Variants in UEVLD observed in about 807,000 individuals in gnomAD.
UEVLD encodes UEV and lactate/malate dehyrogenase domains.
UEVLD carries 47 observed loss-of-function variants against 58.6 expected under a neutral mutation model. The ratio of observed to expected loss-of-function variants is 0.80; its 90% CI spans 0.63 to 1.02. The LOEUF (loss-of-function observed/expected upper bound fraction) is 1.02. Among genes scored for constraint, UEVLD ranks in the 50% least tolerant of loss-of-function variants. The probability of loss-of-function intolerance (pLI) is 0.00; values close to 1 mark genes in which losing one functional copy is unlikely to be tolerated. For missense variants in UEVLD, 510 were observed against 550.6 expected (o/e 0.93, Z 0.74); for synonymous variants, 197 against 195.3 (o/e 1.01, Z -0.07).
chr11:18,536,893 T>TG, intron 9 of UEVLD: 1 of 175,068 alleles, frequency 5.7e-6, no homozygotes, highest in East Asian at 1.9e-4. Flanking sequence ...AGAATCCTGT[T>TG]CCTTTTTTTT....
chr11:18,545,075 T>TACA (rs60959151), intron 8 of UEVLD, among the ~76,000 whole-genome samples: 1 of 117,228 alleles, frequency 8.5e-6, no homozygotes, highest in Non-Finnish European at 1.7e-5. Flanking sequence ...TATATCTATA[T>TACA]TTTTTTTTTT....
At chr11:18,581,677 CAAA>C (rs11443134) in intron 1 of UEVLD, among the ~76,000 whole-genome samples, 7 of 99,122 alleles carry the variant, frequency 7.1e-5, no homozygotes, top group Admixed American at 2.2e-4. Flanking sequence ...GACACTGTCT[CAAA>C]AAAAAAAAAA....
rs35384688 is a variant in UEVLD, at chr11:18,583,657, C to CTT, written c.43-4851_43-4850dup. ...GGAATCTTTATTAAGTCCAGTATTA[C>CTT]TTTTTTTTTTTTTTTTTTTTTGAGA... On this transcript the variant is annotated intron_variant, in intron 1 of 11. Transcript: ENST00000396197. Among the ~76,000 whole-genome samples, 149 of 117,214 alleles carry CTT rather than the reference C, an allele frequency of 1.3e-3. 4 individuals are homozygous for CTT. Among genetic ancestry groups the CTT allele is most frequent in the South Asian group, 6.5e-3 (22 of 3,368 alleles). 76.9% of individuals were successfully genotyped at this position (117,214 alleles called of 152,430 possible).
chr11:18,576,696 T>C (rs930673210), intron 2 of UEVLD, among the ~76,000 whole-genome samples: 6 of 152,112 alleles, frequency 3.9e-5, no homozygotes, highest in African/African-American at 9.7e-5. Flanking sequence ...ACCACCCAGA[T>C]TGATAAACTG....
chr11:18,570,605 G>T, intron 3 of UEVLD: 1 of 271,932 alleles, frequency 3.7e-6, no homozygotes, highest in Non-Finnish European at 6.9e-6. Flanking sequence ...AATTAGCTGG[G>T]TGTGGTGGCA....
chr11:18,565,023 G>A lies in UEVLD; in HGVS notation c.494-13C>T, dbSNP rs200136462. The A allele has an allele frequency of 1.9e-6, 3 of 1,571,370 alleles. No individual in the cohort carries two copies. The highest frequency in any genetic ancestry group is 1.4e-5 in the African/African-American group (1 of 73,978). Reference sequence around the variant, plus strand: ...GTATCTGAAACACCTAGAAAGAAAGGTGAATTATCCTGAGAATTCAAAAAT... The same window carrying A: ...GTATCTGAAACACCTAGAAAGAAAGATGAATTATCCTGAGAATTCAAAAAT... On this transcript the variant is annotated splice_polypyrimidine_tract_variant and intron_variant, in intron 5 of 11. Coordinates refer to ENST00000396197, the MANE Select transcript of UEVLD (RefSeq NM_001040697.4).
At chr11:18,584,405 C>G (rs117134817) in intron 1 of UEVLD, among the ~76,000 whole-genome samples, 1 of 151,934 alleles carries the variant, frequency 6.6e-6, no homozygotes, top group Non-Finnish European at 1.5e-5. Flanking sequence ...AAAAAGCACA[C>G]GCTTTTTGCA....
At chr11:18,575,502 A>C in intron 2 of UEVLD, 90 bp from the exon 3 acceptor site, 1 of 1,208,198 alleles carries the variant, frequency 8.3e-7, no homozygotes, top group Admixed American at 2.3e-5. Flanking sequence ...GTGTGTGCTC[A>C]TGAATATACA....
At position 18,544,879 on chromosome 11, in the gene UEVLD, A is replaced by G. The variant is rs1273974463; in HGVS notation, c.887-83T>C. The G allele has an allele frequency of 3.7e-6, 4 of 1,076,604 alleles. No homozygotes were observed. The African/African-American group carries it at 5.0e-5, about 14-fold the overall frequency. 66.7% of individuals were successfully genotyped at this position (1,076,604 alleles called of 1,614,324 possible). On this transcript the variant is annotated intron_variant, in intron 8 of 11. Transcript: ENST00000396197. ...TAGCTCACAAATATTTATTATTTTAATAAGTATATTAGGTCCTCAATGCAC... is the reference window on the plus strand; with the variant it reads ...TAGCTCACAAATATTTATTATTTTAGTAAGTATATTAGGTCCTCAATGCAC...
At chr11:18,536,537 C>A in intron 9 of UEVLD, 68 bp from the exon 10 acceptor site, 2 of 1,335,576 alleles carry the variant, frequency 1.5e-6, no homozygotes, top group East Asian at 4.6e-5. Flanking sequence ...GATAACAGAT[C>A]TTTTGGAGTC....
At chr11:18,546,595 T>C (rs1590323100) in intron 8 of UEVLD, among the ~76,000 whole-genome samples, 2 of 149,052 alleles carry the variant, frequency 1.3e-5, no homozygotes, top group Non-Finnish European at 3.0e-5. Flanking sequence ...ATCTCCGGGG[T>C]TCAAGCAATT....
intron 4 of UEVLD, 43 bp from the exon 5 acceptor site, chr11:18,566,525 G>A: frequency 6.2e-7 from 1 of 1,601,108 alleles, no homozygotes. Flanking sequence ...CAAAAATTTT[G>A]CTGAAGAATA....
At chr11:18,561,143 C>T (rs536374323) in intron 6 of UEVLD, among the ~76,000 whole-genome samples, 1 of 152,306 alleles carries the variant, frequency 6.6e-6, no homozygotes, top group East Asian at 1.9e-4. Flanking sequence ...ATCTAGAATA[C>T]AGGCTCTGAT....
chr11:18,570,274 G>T lies in UEVLD; in HGVS notation c.297C>A (p.Val99=). Residue 99 remains valine, a synonymous_variant, in exon 4 of 12, where the codon GTC becomes GTA. Coordinates refer to ENST00000396197, the MANE Select transcript of UEVLD (RefSeq NM_001040697.4). Reference sequence around the variant, plus strand: ...TGCCTTGAGCATCCACATGTTTTCCGACTAAGATTCCCATATTTGCAGTTG... The same window carrying T: ...TGCCTTGAGCATCCACATGTTTTCCTACTAAGATTCCCATATTTGCAGTTG... ...LKPTANMGIL[V]GKHVDAQGRI... 1 of 1,604,240 alleles carries T rather than the reference G, an allele frequency of 6.2e-7. No individual in the cohort carries two copies. The highest frequency in any genetic ancestry group is 8.5e-7 in the Non-Finnish European group (1 of 1,176,860).
At chr11:18,586,436 C>T (rs566128012) in intron 1 of UEVLD, among the ~76,000 whole-genome samples, 7 of 152,092 alleles carry the variant, frequency 4.6e-5, no homozygotes, top group African/African-American at 1.7e-4. Context: ...AGGCCGATCT[C>T]GAACTCCTGG....
At chr11:18,574,266 T>G (rs1433774399) in intron 3 of UEVLD, among the ~76,000 whole-genome samples, 3 of 152,188 alleles carry the variant, frequency 2.0e-5, no homozygotes, top group Non-Finnish European at 4.4e-5. Flanking sequence ...CTCAGCCTTC[T>G]GAGTAGCTGG....
intron 9 of UEVLD, among the ~76,000 whole-genome samples, chr11:18,542,620 A>G (rs1210291058): frequency 6.6e-6 from 1 of 152,144 alleles, no homozygotes; most frequent in Non-Finnish European, 1.5e-5. Context: ...TAAAAATTAT[A>G]TAAATACTAC....
At chr11:18,581,180 A>T (rs898618758) in intron 1 of UEVLD, among the ~76,000 whole-genome samples, 1 of 149,676 alleles carries the variant, frequency 6.7e-6, no homozygotes. Flanking sequence ...AAAAAAAAAA[A>T]GATATAGCTC....
At chr11:18,550,569 T>C (rs1001404976) in intron 7 of UEVLD, among the ~76,000 whole-genome samples, 1 of 152,088 alleles carries the variant, frequency 6.6e-6, no homozygotes, top group African/African-American at 2.4e-5. Flanking sequence ...AGTCCAAATC[T>C]CTCCAATCCC....
Sources: allele counts gnomAD v4.1 joint callset (sites outside exome capture counted in the v4.1 genomes callset), GRCh38; gene constraint gnomAD v4.1.1; transcripts MANE v1.5; gene names NCBI Gene and HGNC (gene_info 2026-07-23, HGNC 2026-07-21).